The following NAV2 variants were observed in gnomAD, a reference collection of about 807,000 sequenced individuals.
NAV2 encodes the protein helicase, APC down-regulated 1.
A neutral mutation model predicts 223.2 loss-of-function variants in NAV2; 54 were observed. That is an observed-to-expected ratio of 0.24 (90% CI 0.19 to 0.30). The LOEUF is 0.30. Ranked by LOEUF, NAV2 falls within the 10% of genes least tolerant of loss-of-function variation. NAV2 has a pLI of 1.00. For missense variants in NAV2, 2,806 were observed against 3,147.5 expected, an observed-to-expected ratio of 0.89 and a Z score of 2.60; for synonymous variants, 1,279 against 1,239.3, an observed-to-expected ratio of 1.03 and a Z score of -0.67.
intron 1 of NAV2, among the ~76,000 whole-genome samples, chr11:19,648,439 G>A (rs2047876836): frequency 6.6e-6 from 1 of 152,202 alleles, no homozygotes; most frequent in Non-Finnish European, 1.5e-5. Context: ...TAGAGAGCCA[G>A]CTGGTAAACA....
intron 6 of NAV2, among the ~76,000 whole-genome samples, chr11:19,931,595 TA>T (rs398055055): frequency 0.068 from 2,563 of 37,820 alleles, 82 homozygotes; most frequent in African/African-American, 0.14. Context: ...CATAGGTATT[TA>T]AAAAAAAAAA....
chr11:20,002,025 G>C (rs1318938062), intron 11 of NAV2, among the ~76,000 whole-genome samples: 1 of 152,132 alleles, frequency 6.6e-6, no homozygotes, highest in Non-Finnish European at 1.5e-5. Flanking sequence ...TCAGGATGCC[G>C]GCATGGTCGA....
chr11:19,785,312 A>T (rs2152697974), intron 1 of NAV2, among the ~76,000 whole-genome samples: 1 of 152,364 alleles, frequency 6.6e-6, no homozygotes, highest in South Asian at 2.1e-4. Flanking sequence ...ATCTGTCCTT[A>T]ACCATCCTGC....
chr11:19,352,077 A>G (rs1853359618), intron 1 of NAV2, among the ~76,000 whole-genome samples: 2 of 152,132 alleles, frequency 1.3e-5, no homozygotes, highest in African/African-American at 4.8e-5. Flanking sequence ...TAAACATTTT[A>G]TAAATATTGA....
chr11:19,756,371 G>A (rs2054230606), intron 1 of NAV2, among the ~76,000 whole-genome samples: 1 of 152,206 alleles, frequency 6.6e-6, no homozygotes, highest in African/African-American at 2.4e-5. Context: ...GGTTCCAGGA[G>A]GACATGAATT....
In NAV2 at chr11:19,933,913, A is replaced by G; in HGVS notation, c.1669A>G (p.Met557Val). The change falls in exon 7 of 38, where the codon ATG (methionine) becomes GTG (valine). Residue 557 changes from methionine to valine, a missense_variant. By Grantham distance (21) the Met-to-Val change is conservative. Coordinates refer to ENST00000349880, the MANE Select transcript of NAV2 (RefSeq NM_145117.5). This position sits in a 1 kb window ranked among gnomAD's most constrained non-coding sequence, Gnocchi z 4.3. ...GKLNSAKKEP[M>V]APSHSGIPKP... ...GCTCAACAGTGCCAAGAAGGAGCCC[A>G]TGGCCCCTTCCCACAGTGGAATACC... 4 of 1,588,748 alleles carry G rather than the reference A, an allele frequency of 2.5e-6. No individual in the cohort carries two copies. Among genetic ancestry groups the G allele is most frequent in the Non-Finnish European group, 3.4e-6 (4 of 1,170,830 alleles).
In NAV2 at chr11:19,998,141, T is replaced by C. The variant is rs1014266165; in HGVS notation, c.2768+13894T>C. On this transcript the variant is annotated intron_variant, in intron 11 of 37. Transcript: ENST00000349880. The surrounding 1 kb of genome is among the most constrained non-coding windows in gnomAD (Gnocchi z 5.0). ...GCTATATTTTAGGTAATTAATATTA[T>C]CCTAAGATAATTGATAAGACTGACT... 3.3e-5 allele frequency among the ~76,000 whole-genome samples: 5 copies of C among 152,196 alleles called. No individual in the cohort carries two copies. The highest frequency in any genetic ancestry group is 7.4e-5 in the Non-Finnish European group (5 of 68,026).
intron 1 of NAV2, among the ~76,000 whole-genome samples, chr11:19,629,542 GACACACACAC>G (rs10604730): frequency 6.7e-5 from 9 of 134,712 alleles, no homozygotes; most frequent in Admixed American, 2.3e-4. Context: ...CTCTCTCTCT[GACACACACAC>G]ACACACACAC....
At chr11:19,640,268 A>G (rs2047628404) in intron 1 of NAV2, among the ~76,000 whole-genome samples, 1 of 152,186 alleles carries the variant, frequency 6.6e-6, no homozygotes, top group Non-Finnish European at 1.5e-5. Context: ...TTTGGACGAT[A>G]TACTGGTCAA....
At chr11:19,679,116 A>G (rs1156477313) in intron 1 of NAV2, among the ~76,000 whole-genome samples, 1 of 152,232 alleles carries the variant, frequency 6.6e-6, no homozygotes, top group East Asian at 1.9e-4. Context: ...GCTGAGAGGA[A>G]TTAGTCCAAA....
chr11:19,715,680 A>G lies in NAV2; in HGVS notation c.267+1718A>G, dbSNP rs190292894. ...TGCATAGGCTCTGGAAAGGTGATTCATCACCCTGTCCGTGAAAAAAAATGT... is the reference window on the plus strand; with the variant it reads ...TGCATAGGCTCTGGAAAGGTGATTCGTCACCCTGTCCGTGAAAAAAAATGT... On this transcript the variant is annotated intron_variant, in intron 1 of 37. Coordinates refer to ENST00000349880, the MANE Select transcript of NAV2 (RefSeq NM_145117.5). 3.8e-3 allele frequency among the ~76,000 whole-genome samples: 582 copies of G among 152,204 alleles called. 4 individuals are homozygous for G. Among genetic ancestry groups the G allele is most frequent in the African/African-American group, 0.013 (550 of 41,512 alleles).
At position 19,713,970 on chromosome 11, in the gene NAV2, A is replaced by G. The variant is rs1331874408; in HGVS notation, c.267+8A>G. On this transcript the variant is annotated splice_region_variant and intron_variant, in intron 1 of 37. Coordinates refer to ENST00000349880, the MANE Select transcript of NAV2 (RefSeq NM_145117.5). The surrounding 1 kb of genome is among the most constrained non-coding windows in gnomAD (Gnocchi z 7.2). ...AACGGGTTCGATACCCAGGTGAGAG[A>G]TGCCGTTTGCCGGGGTACTGTTCTG... The G allele has an allele frequency of 6.2e-7, 1 of 1,612,462 alleles. No individual in the cohort carries two copies. The highest frequency in any genetic ancestry group is 8.5e-7 in the Non-Finnish European group (1 of 1,179,634).
chr11:19,970,276 C>A (rs1455224538), intron 10 of NAV2, among the ~76,000 whole-genome samples: 3 of 152,188 alleles, frequency 2.0e-5, no homozygotes, highest in Non-Finnish European at 4.4e-5. Flanking sequence ...TCAAGTGGTT[C>A]TCCTGTCTCA....
At chr11:19,360,188 C>T (rs1246762772) in intron 1 of NAV2, among the ~76,000 whole-genome samples, 1 of 152,238 alleles carries the variant, frequency 6.6e-6, no homozygotes, top group African/African-American at 2.4e-5. Flanking sequence ...CTGGTCTTAG[C>T]AAGAACTGTG....
intron 19 of NAV2, among the ~76,000 whole-genome samples, chr11:20,061,414 ACAAAACTAGCCAGGCATGGTGGCG>A (rs1262825732): frequency 6.6e-6 from 1 of 152,160 alleles, no homozygotes; most frequent in Non-Finnish European, 1.5e-5. Context: ...TACTAAAAAT[ACAAAACTAGCCAGGCATGGTGGCG>A]CACGCCTATA....
At chr11:19,621,602 T>A (rs990712079) in intron 1 of NAV2, among the ~76,000 whole-genome samples, 1 of 152,224 alleles carries the variant, frequency 6.6e-6, no homozygotes, top group Non-Finnish European at 1.5e-5. Flanking sequence ...GGTGGTGATA[T>A]TCCCTTTATC....
intron 6 of NAV2, among the ~76,000 whole-genome samples, chr11:19,898,563 G>T (rs1359377431): frequency 6.6e-6 from 1 of 152,042 alleles, no homozygotes; most frequent in East Asian, 1.9e-4. Flanking sequence ...TCCATTGTAT[G>T]GATTTACCAC....
intron 1 of NAV2, among the ~76,000 whole-genome samples, chr11:19,551,900 T>TCTC (rs2044702781): frequency 8.6e-6 from 1 of 115,652 alleles, no homozygotes; most frequent in South Asian, 2.1e-4. Context: ...TCTCCTCTTC[T>TCTC]CTCTCTCTCT....
intron 3 of NAV2, among the ~76,000 whole-genome samples, chr11:19,860,996 G>C (rs939485089): frequency 5.5e-5 from 8 of 144,966 alleles, no homozygotes; most frequent in East Asian, 2.0e-4. Flanking sequence ...GTCCAGCTTC[G>C]GCTCGGCATC....
Sources: allele counts gnomAD v4.1 joint callset (sites outside exome capture counted in the v4.1 genomes callset), GRCh38; gene constraint gnomAD v4.1.1; non-coding constraint Gnocchi (gnomAD v3.1); transcripts MANE v1.5; gene names NCBI Gene and HGNC (gene_info 2026-07-23, HGNC 2026-07-21).